RORA: variants seen among roughly 807,000 people sequenced by gnomAD.
RORA encodes the protein RAR related orphan receptor A, also known as nuclear receptor ROR-alpha.
A neutral mutation model predicts 69.5 loss-of-function variants in RORA; 7 were observed. That is an observed-to-expected ratio of 0.10 (90% CI 0.06 to 0.19). RORA has a LOEUF of 0.19. Among genes scored for constraint, RORA ranks in the 10% least tolerant of loss-of-function variants. RORA has a pLI of 1.00. For missense variants in RORA, 457 were observed against 663.0 expected, an observed-to-expected ratio of 0.69 and a Z score of 3.41; for synonymous variants, 261 against 240.8, an observed-to-expected ratio of 1.08 and a Z score of -0.78.
chr15:60,921,241 A>G (rs564913096), intron 1 of RORA, among the ~76,000 whole-genome samples: 37 of 152,352 alleles, frequency 2.4e-4, no homozygotes, highest in African/African-American at 8.4e-4. Flanking sequence ...GAATATTCAC[A>G]GAGCCACTAT....
In RORA at chr15:60,750,445, C is replaced by T. The variant is rs114016477; in HGVS notation, c.167-71759G>A. On this transcript the variant is annotated intron_variant, in intron 1 of 10. Transcript: ENST00000335670. Reference sequence around the variant, plus strand: ...AGAAAACAGAAGCAGAGAAAGAATCCCTTTTAAAATTTCAGTTTCAATATA... The same window carrying T: ...AGAAAACAGAAGCAGAGAAAGAATCTCTTTTAAAATTTCAGTTTCAATATA... Among the ~76,000 whole-genome samples, 370 of 152,264 alleles carry T rather than the reference C, an allele frequency of 2.4e-3. 1 individual carries two copies. The highest frequency in any genetic ancestry group is 8.6e-3 in the African/African-American group (359 of 41,540).
intron 2 of RORA, 131 bp downstream of exon 2, chr15:60,678,526 A>G (rs2070588371): frequency 2.7e-6 from 2 of 741,248 alleles, no homozygotes; most frequent in Admixed American, 4.1e-5. Context: ...ACAGATTGAA[A>G]AAAAATGACC....
intron 1 of RORA, among the ~76,000 whole-genome samples, chr15:60,726,997 T>G (rs2071366510): frequency 6.6e-6 from 1 of 152,182 alleles, no homozygotes; most frequent in African/African-American, 2.4e-5. Flanking sequence ...AACTTTCACA[T>G]TCACAATCAT....
chr15:60,587,505 C>G (rs1207824673), intron 2 of RORA, among the ~76,000 whole-genome samples: 2 of 152,116 alleles, frequency 1.3e-5, no homozygotes, highest in Non-Finnish European at 2.9e-5. Context: ...GATGGAAAAG[C>G]TAGGCTATAA....
chr15:60,875,275 G>C (rs1441212370), intron 1 of RORA, among the ~76,000 whole-genome samples: 1 of 152,186 alleles, frequency 6.6e-6, no homozygotes, highest in East Asian at 1.9e-4. Context: ...CATTTTGTTT[G>C]TAACTTCAAC....
intron 1 of RORA, among the ~76,000 whole-genome samples, chr15:60,823,103 C>T (rs2072914036): frequency 1.8e-5 from 1 of 54,830 alleles, no homozygotes; most frequent in South Asian, 1.5e-3. Flanking sequence ...TTCCTTCATT[C>T]TTCTCTTTCT....
intron 1 of RORA, among the ~76,000 whole-genome samples, chr15:61,154,340 G>A (rs775726209): frequency 6.6e-5 from 10 of 152,096 alleles, no homozygotes; most frequent in East Asian, 1.9e-4. Context: ...GACCATCAGC[G>A]AACTGCTGGT....
chr15:60,548,293 C>T (rs2140379470), intron 2 of RORA, among the ~76,000 whole-genome samples: 1 of 152,292 alleles, frequency 6.6e-6, no homozygotes, highest in East Asian at 1.9e-4. Context: ...ACTCAGTGAG[C>T]ACATAGCATT....
At chr15:60,935,672 A>T (rs1266667484) in intron 1 of RORA, among the ~76,000 whole-genome samples, 1 of 152,210 alleles carries the variant, frequency 6.6e-6, no homozygotes, top group African/African-American at 2.4e-5. Context: ...ACCGGCCTTG[A>T]GGCCCAAACA....
intron 1 of RORA, among the ~76,000 whole-genome samples, chr15:61,031,548 T>G (rs12438879): frequency 0.54 from 82,123 of 151,976 alleles, 24,828 homozygotes; most frequent in Non-Finnish European, 0.7. Flanking sequence ...ATGTATGAAG[T>G]AGTTAAAGTT....
chr15:61,214,554 T>C (rs930359), intron 1 of RORA, among the ~76,000 whole-genome samples: 28,194 of 152,208 alleles, frequency 0.19, 2,783 homozygotes, highest in Non-Finnish European at 0.23. Flanking sequence ...AGGTTCTAGA[T>C]TACCAGATGG....
intron 1 of RORA, among the ~76,000 whole-genome samples, chr15:61,159,217 T>A (rs1005481409): frequency 6.6e-6 from 1 of 152,172 alleles, no homozygotes; most frequent in Admixed American, 6.5e-5. Context: ...GTCCCATTTA[T>A]CAGCCTTTTT....
In RORA at chr15:60,649,569, C is replaced by T. The variant is rs572534132; in HGVS notation, c.196+29088G>A. Among the ~76,000 whole-genome samples, 6 of 152,286 alleles carry T rather than the reference C, an allele frequency of 3.9e-5. No homozygotes were observed. The South Asian group carries it at 8.3e-4, about 21-fold the overall frequency. Reference sequence around the variant, plus strand: ...CAGTCCAATATCATATGTAGTTTAACGGTGTTGAAACACATTTGCCAGAAA... The same window carrying T: ...CAGTCCAATATCATATGTAGTTTAATGGTGTTGAAACACATTTGCCAGAAA... On this transcript the variant is annotated intron_variant, in intron 2 of 10. Transcript: ENST00000335670.
In RORA at chr15:61,104,993, G is replaced by GCT. The variant is rs751911711; in HGVS notation, c.166+124059_166+124060insAG. 2.0e-3 allele frequency among the ~76,000 whole-genome samples: 276 copies of GCT among 140,770 alleles called. 1 individual carries two copies. The highest frequency in any genetic ancestry group is 3.2e-3 in the Non-Finnish European group (205 of 64,640). 92.4% of individuals were successfully genotyped at this position (140,770 alleles called of 152,430 possible). ...TTTCGTTTTCTGCCATGATCATGAG[G>GCT]CGCCCCCCCCACCGCCCAGCCACGT... On this transcript the variant is annotated intron_variant, in intron 1 of 10. Transcript: ENST00000335670.
intron 1 of RORA, among the ~76,000 whole-genome samples, chr15:60,789,726 G>A (rs758775420): frequency 2.1e-4 from 32 of 152,134 alleles, no homozygotes; most frequent in Non-Finnish European, 3.7e-4. Context: ...AATTACTAGG[G>A]GCATTCTCAG....
intron 1 of RORA, among the ~76,000 whole-genome samples, chr15:60,995,132 G>A (rs566502911): frequency 1.8e-4 from 28 of 152,192 alleles, no homozygotes; most frequent in Non-Finnish European, 3.5e-4. Flanking sequence ...GGAGGGTGGG[G>A]CAGAGAATAG....
intron 1 of RORA, among the ~76,000 whole-genome samples, chr15:60,891,223 T>G (rs2140457692): frequency 6.6e-6 from 1 of 152,354 alleles, no homozygotes; most frequent in East Asian, 1.9e-4. Context: ...AAGGAAGCTA[T>G]CATTATGTAA....
intron 1 of RORA, among the ~76,000 whole-genome samples, chr15:61,077,622 G>A (rs1398328230): frequency 6.6e-6 from 1 of 152,156 alleles, no homozygotes; most frequent in Non-Finnish European, 1.5e-5. Flanking sequence ...CAAGCTGTTT[G>A]TAAACACTTC....
chr15:60,700,341 C>A (rs767479066), intron 1 of RORA, among the ~76,000 whole-genome samples: 4 of 152,176 alleles, frequency 2.6e-5, no homozygotes, highest in Non-Finnish European at 5.9e-5. Flanking sequence ...GGGTAGTTGA[C>A]CTTCGATCCT....
Sources: gnomAD v4.1 joint callset for allele counts (sites outside exome capture counted in the v4.1 genomes callset) on GRCh38, gnomAD v4.1.1 for gene constraint, MANE v1.5 for transcripts, NCBI Gene and HGNC (gene_info 2026-07-23, HGNC 2026-07-21) for gene names.